CACNA1E: variants seen among roughly 807,000 people sequenced by gnomAD.
CACNA1E encodes the protein calcium voltage-gated channel subunit alpha1 E.
A neutral mutation model predicts 259.2 loss-of-function variants in CACNA1E; 40 were observed. That is an observed-to-expected ratio of 0.15 (90% CI 0.12 to 0.20). CACNA1E has a LOEUF of 0.20. Ranked by LOEUF, CACNA1E falls within the 10% of genes least tolerant of loss-of-function variation. CACNA1E has a pLI of 1.00. For synonymous variants in CACNA1E, 1,104 were observed against 1,138.5 expected (o/e 0.97, Z 0.61); for missense variants, 1,874 against 3,040.1 (o/e 0.62, Z 9.02).
intron 8 of CACNA1E, among the ~76,000 whole-genome samples, chr1:181,713,669 A>C (rs1317014712): frequency 6.6e-6 from 1 of 152,198 alleles, no homozygotes; most frequent in Admixed American, 6.5e-5. Context: ...GTCTGAAGCT[A>C]GCTTTCCCCC....
rs543552643 is a variant in CACNA1E, at chr1:181,510,425, T to C, written c.267-52T>C. ...TGTGTGTTTATGGGCACGGCCATCTTGGAGGCTGTGTCCCTCTCTGGTGAA... is the reference window on the plus strand; with the variant it reads ...TGTGTGTTTATGGGCACGGCCATCTCGGAGGCTGTGTCCCTCTCTGGTGAA... On this transcript the variant is annotated intron_variant, in intron 1 of 47. Transcript: ENST00000367573. The C allele has an allele frequency of 5.8e-5, 72 of 1,234,056 alleles. No individual in the cohort carries two copies. The South Asian group carries it at 8.3e-4, about 14-fold the overall frequency. The allele number at this position is 1,234,056 out of a possible 1,614,324, so 76.4% of individuals were successfully genotyped here.
rs546191 is a variant in CACNA1E at position 181,783,894 on chromosome 1, T to C, written c.5470+110T>C. On this transcript the variant is annotated intron_variant, in intron 40 of 47. Coordinates refer to ENST00000367573, the MANE Select transcript of CACNA1E (RefSeq NM_001205293.3). ...GTCATCTATCCAGTTAAGGACACAA[T>C]AATGCAGTCATCTGAACATCAAGTA... is the stretch of plus-strand genomic sequence containing the variant. 0.74 allele frequency: 513,285 copies of C among 695,202 alleles called. 191,422 individuals are homozygous for C. Among genetic ancestry groups the C allele is most frequent in the East Asian group, 0.86 (33,475 of 39,000 alleles). 43.1% of individuals were successfully genotyped at this position (695,202 alleles called of 1,614,324 possible). A position where few individuals can be genotyped will look rare whatever the true frequency, so the allele number is the denominator to read the frequency against.
At chr1:181,437,462 G>A (rs891996623) in intron 2 of CACNA1E, among the ~76,000 whole-genome samples, 5 of 152,186 alleles carry the variant, frequency 3.3e-5, no homozygotes, top group Middle Eastern at 3.4e-3. Flanking sequence ...GAAAAGTGGC[G>A]AATGTTGTCC....
intron 7 of CACNA1E, among the ~76,000 whole-genome samples, chr1:181,698,712 G>T (rs1463961040): frequency 6.6e-6 from 1 of 151,956 alleles, no homozygotes; most frequent in Non-Finnish European, 1.5e-5. Flanking sequence ...GTCTTTGCTT[G>T]TATGTCACCA....
In CACNA1E at chr1:181,799,611, C is replaced by T. The variant is rs1174595144; in HGVS notation, c.*777C>T. The T allele has an allele frequency of 6.6e-6, 1 of 152,628 alleles. No individual in the cohort carries two copies. The highest frequency in any genetic ancestry group is 1.5e-5 in the Non-Finnish European group (1 of 68,174). The allele number at this position is 152,628 out of a possible 1,614,324, so 9.5% of individuals were successfully genotyped here. ...GAGTTAGGACAGGTCAGGAAGTCCC[C>T]CAGGGTCCACAAAGGTGCCTGAGGC... On this transcript the variant is annotated 3_prime_UTR_variant, in exon 48 of 48. Transcript: ENST00000367573.
chr1:181,437,788 T>C (rs969343681), intron 2 of CACNA1E, among the ~76,000 whole-genome samples: 5 of 152,170 alleles, frequency 3.3e-5, no homozygotes, highest in African/African-American at 1.2e-4. Context: ...GGCCCTCTTC[T>C]CTTCTCTGTC....
At chr1:181,393,602 A>C (rs1656448571) in intron 1 of CACNA1E, among the ~76,000 whole-genome samples, 1 of 152,140 alleles carries the variant, frequency 6.6e-6, no homozygotes, top group Non-Finnish European at 1.5e-5. Context: ...GACCACAGGC[A>C]CATGCCACCA....
chr1:181,505,763 CAGTATAAAA>C lies in CACNA1E; in HGVS notation c.267-4710_267-4702del, dbSNP rs140659771. Among the ~76,000 whole-genome samples, 313 of 152,018 alleles carry C rather than the reference CAGTATAAAA, an allele frequency of 2.1e-3. 1 individual carries two copies. The highest frequency in any genetic ancestry group is 6.7e-3 in the African/African-American group (277 of 41,430). The stretch of plus-strand genomic sequence containing the variant: ...ATAGGTCATGTGTGTCTACAGTGGA[CAGTATAAAA>C]AGTTCAAATGGGTATACAGTGTGGA... On this transcript the variant is annotated intron_variant, in intron 1 of 47. Transcript: ENST00000367573.
chr1:181,626,270 C>T (rs1572414876), intron 6 of CACNA1E, among the ~76,000 whole-genome samples: 1 of 152,118 alleles, frequency 6.6e-6, no homozygotes, highest in Non-Finnish European at 1.5e-5. Flanking sequence ...TCTTATTAGA[C>T]TCAGGGTTGT....
In CACNA1E at chr1:181,535,557, C is replaced by T. The variant is rs543117135; in HGVS notation, c.512+24047C>T. 1.7e-4 allele frequency among the ~76,000 whole-genome samples: 26 copies of T among 152,218 alleles called. 1 individual carries two copies. Among genetic ancestry groups the T allele is most frequent in the African/African-American group, 6.3e-4 (26 of 41,542 alleles). Reference sequence around the variant, plus strand: ...AAATTACATTTCTGCCATATATACACACACATACATACATATGTAATACAC... The same window carrying T: ...AAATTACATTTCTGCCATATATACATACACATACATACATATGTAATACAC... On this transcript the variant is annotated intron_variant, in intron 3 of 47. Coordinates refer to ENST00000367573, the MANE Select transcript of CACNA1E (RefSeq NM_001205293.3).
chr1:181,606,258 C>G (rs2103087921), intron 6 of CACNA1E, among the ~76,000 whole-genome samples: 1 of 152,288 alleles, frequency 6.6e-6, no homozygotes, highest in East Asian at 1.9e-4. Flanking sequence ...AAGCCTTCAA[C>G]TGAGGGCTTG....
Position 181,785,504 on chromosome 1 carries a change from C to A in CACNA1E, c.5679+86C>A, listed in dbSNP as rs990830104. 5.0e-6 allele frequency: 5 copies of A among 1,006,340 alleles called. No individual in the cohort carries two copies. In the African/African-American group the frequency reaches 6.4e-5, roughly 13 times the overall value. 62.3% of individuals were successfully genotyped at this position (1,006,340 alleles called of 1,614,324 possible). On this transcript the variant is annotated intron_variant, in intron 42 of 47. Transcript: ENST00000367573. ...GCCTGTGCCTCCCTGGGGCATAGTG[C>A]CCGGCAAGGACTTAGAAGCAGCAGT... is the stretch of plus-strand genomic sequence containing the variant.
chr1:181,396,229 C>T (rs141443767), intron 1 of CACNA1E, among the ~76,000 whole-genome samples: 1 of 152,328 alleles, frequency 6.6e-6, no homozygotes, highest in Non-Finnish European at 1.5e-5. Flanking sequence ...ACGGAAGCCA[C>T]AGTCTTTTGT....
At chr1:181,604,974 C>T (rs1654091724) in intron 6 of CACNA1E, among the ~76,000 whole-genome samples, 7 of 152,104 alleles carry the variant, frequency 4.6e-5, no homozygotes, top group Admixed American at 4.6e-4. Flanking sequence ...CACTCTGAGT[C>T]AGGAGGAGGA....
chr1:181,784,890 A>T (rs1042440525), intron 41 of CACNA1E, 122 bp downstream of exon 41: 2 of 637,910 alleles, frequency 3.1e-6, no homozygotes, highest in African/African-American at 3.7e-5. Context: ...ATTAATAAGG[A>T]CAAAAGGGAC....
intron 1 of CACNA1E, among the ~76,000 whole-genome samples, chr1:181,386,595 C>A (rs1655866917): frequency 6.6e-6 from 1 of 152,156 alleles, no homozygotes; most frequent in African/African-American, 2.4e-5. Context: ...AGCAGCTAGC[C>A]ATGGAAACTA....
chr1:181,400,638 C>T (rs603511), intron 1 of CACNA1E, among the ~76,000 whole-genome samples: 81,602 of 151,856 alleles, frequency 0.54, 23,477 homozygotes, highest in African/African-American at 0.75. Flanking sequence ...GGCTCAAGGT[C>T]GTGTGCTGAA....
At chr1:181,446,100 C>T (rs1428472438) in intron 2 of CACNA1E, among the ~76,000 whole-genome samples, 3 of 152,214 alleles carry the variant, frequency 2.0e-5, no homozygotes, top group African/African-American at 7.2e-5. Flanking sequence ...TCTATGCTCA[C>T]TAGCAGGGCT....
intron 7 of CACNA1E, among the ~76,000 whole-genome samples, chr1:181,652,661 G>A (rs1189591561): frequency 6.6e-6 from 1 of 152,150 alleles, no homozygotes; most frequent in African/African-American, 2.4e-5. Flanking sequence ...GGTAGGCGTG[G>A]TGCTAAAAAC....
Sources: gnomAD v4.1 joint callset for allele counts (sites outside exome capture counted in the v4.1 genomes callset) on GRCh38, gnomAD v4.1.1 for gene constraint, MANE v1.5 for transcripts, NCBI Gene and HGNC (gene_info 2026-07-23, HGNC 2026-07-21) for gene names.